TTLL1: variants seen among roughly 807,000 people sequenced by gnomAD.
The protein encoded by TTLL1 is TTL family tubulin polyglutamylase complex subunit L1, also known as polyglutamylase complex subunit TTLL1.
TTLL1 carries 33 observed loss-of-function variants against 47.8 expected under a neutral mutation model. The observed-to-expected ratio is 0.69, with a 90% CI of 0.52 to 0.92. TTLL1 has a LOEUF of 0.92. Ranked by LOEUF, TTLL1 falls within the 40% of genes least tolerant of loss-of-function variation. The pLI, the probability that TTLL1 is intolerant of heterozygous loss-of-function variation, is 0.00. For missense variants in TTLL1, 488 were observed against 547.5 expected (o/e 0.89, Z 1.08); for synonymous variants, 225 against 214.1 (o/e 1.05, Z -0.45).
intron 10 of TTLL1, among the ~76,000 whole-genome samples, chr22:43,045,008 G>A (rs868277785): frequency 2.1e-4 from 32 of 151,912 alleles, no homozygotes; most frequent in African/African-American, 6.0e-4. Context: ...CATTACAAGC[G>A]CGCACTACCA....
At chr22:43,042,905 A>G (rs1235734243) in intron 10 of TTLL1, among the ~76,000 whole-genome samples, 1 of 151,782 alleles carries the variant, frequency 6.6e-6, no homozygotes, top group African/African-American at 2.4e-5. Context: ...TCTTCAACTA[A>G]AAGCAGTGAG....
chr22:43,053,459 G>C (rs1337869233), intron 8 of TTLL1, among the ~76,000 whole-genome samples: 2 of 152,196 alleles, frequency 1.3e-5, no homozygotes, highest in African/African-American at 4.8e-5. Context: ...GAAAATGTCT[G>C]TAAGACAGGA....
At chr22:43,049,601 C>CAAAAA (rs34707208) in intron 9 of TTLL1, among the ~76,000 whole-genome samples, 1 of 105,452 alleles carries the variant, frequency 9.5e-6, no homozygotes, top group African/African-American at 3.6e-5. Context: ...CCCATCTCCA[C>CAAAAA]AAAAAAAAAA....
intron 8 of TTLL1, among the ~76,000 whole-genome samples, chr22:43,054,055 T>C (rs1302416481): frequency 6.6e-6 from 1 of 152,190 alleles, no homozygotes; most frequent in Non-Finnish European, 1.5e-5. Flanking sequence ...GTGACACTGG[T>C]GTCAGGGTCC....
At chr22:43,057,625 G>A in intron 8 of TTLL1, among the ~76,000 whole-genome samples, 1 of 152,072 alleles carries the variant, frequency 6.6e-6, no homozygotes, top group Non-Finnish European at 1.5e-5. Flanking sequence ...CCCACTCTCT[G>A]GGCCCACATC....
At chr22:43,066,850 C>G (rs1569433702) in intron 5 of TTLL1, among the ~76,000 whole-genome samples, 2 of 151,250 alleles carry the variant, frequency 1.3e-5, no homozygotes, top group African/African-American at 4.9e-5. Flanking sequence ...ATTAGCCAGG[C>G]ATGGTGGGTG....
In TTLL1 at chr22:43,070,276, G is replaced by A; in HGVS notation, c.114-432C>T. Reference sequence around the variant, plus strand: ...ACAAAATCACAGGGGTTATTTAAGGGCCCTGAGTCAGTATTTGATATTCTT... The same window carrying A: ...ACAAAATCACAGGGGTTATTTAAGGACCCTGAGTCAGTATTTGATATTCTT... On this transcript the variant is annotated intron_variant, in intron 3 of 10. Coordinates refer to ENST00000266254, the MANE Select transcript of TTLL1 (RefSeq NM_012263.5). The A allele has an allele frequency of 1.8e-6, 2 of 1,134,864 alleles. 1 individual carries two copies. Among genetic ancestry groups the A allele is most frequent in the Admixed American group, 4.7e-5 (2 of 42,934 alleles). The allele number at this position is 1,134,864 out of a possible 1,614,324, so 70.3% of individuals were successfully genotyped here.
intron 3 of TTLL1, among the ~76,000 whole-genome samples, chr22:43,073,364 T>TTTA (rs1555964073): frequency 2.2e-5 from 3 of 133,354 alleles, no homozygotes; most frequent in African/African-American, 1.0e-4. Flanking sequence ...TATTTATTTA[T>TTTA]TTTATTTTTT....
At chr22:43,057,457 CTT>C (rs1338679968) in intron 8 of TTLL1, among the ~76,000 whole-genome samples, 8 of 152,108 alleles carry the variant, frequency 5.3e-5, no homozygotes, top group African/African-American at 1.9e-4. Flanking sequence ...CTCACAGCCT[CTT>C]GACACCAATG....
At chr22:43,087,153 G>A (rs1055405874) in intron 1 of TTLL1, among the ~76,000 whole-genome samples, 5 of 152,138 alleles carry the variant, frequency 3.3e-5, no homozygotes, top group African/African-American at 1.2e-4. Context: ...CAATCCTCCT[G>A]ACTCCACCAC....
At chr22:43,064,393 G>A in intron 5 of TTLL1, 69 bp from the exon 6 acceptor site, 5 of 1,525,366 alleles carry the variant, frequency 3.3e-6, no homozygotes, top group Non-Finnish European at 4.4e-6. Context: ...ATCCAAGAAA[G>A]GAATAACTGA....
chr22:43,073,603 G>A (rs936573338), intron 3 of TTLL1, among the ~76,000 whole-genome samples: 8 of 151,750 alleles, frequency 5.3e-5, no homozygotes, highest in Non-Finnish European at 7.4e-5. Context: ...TGATGCACCC[G>A]CCTTGGCCTC....
intron 10 of TTLL1, 26 bp from the exon 11 acceptor site, chr22:43,039,931 C>A (rs950528246): frequency 6.2e-7 from 1 of 1,607,674 alleles, no homozygotes; most frequent in African/African-American, 1.3e-5. Flanking sequence ...GCCAGGATCA[C>A]GGCAGGCTCT....
Position 43,068,522 on chromosome 22 carries a change from G to A in TTLL1, c.391C>T (p.Pro131Ser), listed in dbSNP as rs1927899223. ...GGCTTCATGATCCAGGTGCTGGACG[G>A]GCTCTTCCGGAACTCCTCTACAAAC... is the stretch of plus-strand genomic sequence containing the variant. Reference protein sequence around the residue: ...NLFVEEFRKSPSSTWIMKPCG... With the variant: ...NLFVEEFRKSSSSTWIMKPCG... The change falls in exon 5 of 11, where the codon CCG (proline) becomes TCG (serine). Residue 131 changes from proline to serine, a missense_variant. Pro to Ser is a moderately conservative substitution (Grantham distance 74, BLOSUM62 -1). Coordinates refer to ENST00000266254, the MANE Select transcript of TTLL1 (RefSeq NM_012263.5). 6.4e-7 allele frequency: 1 copy of A among 1,570,552 alleles called. No individual in the cohort carries two copies. Among genetic ancestry groups the A allele is most frequent in the Non-Finnish European group, 8.7e-7 (1 of 1,148,610 alleles).
intron 2 of TTLL1, among the ~76,000 whole-genome samples, chr22:43,078,529 A>G (rs190696965): frequency 1.3e-5 from 2 of 152,024 alleles, no homozygotes; most frequent in Admixed American, 6.6e-5. Flanking sequence ...AAGAGAAGAG[A>G]AGAGAAGAAA....
intron 3 of TTLL1, among the ~76,000 whole-genome samples, chr22:43,074,360 G>T (rs1361040375): frequency 6.7e-6 from 1 of 150,092 alleles, no homozygotes; most frequent in South Asian, 2.1e-4. Context: ...CCAGGAGGTG[G>T]AGGTTGCAAT....
At chr22:43,045,037 A>G (rs1444712256) in intron 10 of TTLL1, among the ~76,000 whole-genome samples, 2 of 151,960 alleles carry the variant, frequency 1.3e-5, no homozygotes, top group Non-Finnish European at 2.9e-5. Flanking sequence ...TAATTTTTGT[A>G]TTTTTAGTAG....
At chr22:43,077,049 G>C (rs1029426094) in intron 2 of TTLL1, among the ~76,000 whole-genome samples, 10 of 151,724 alleles carry the variant, frequency 6.6e-5, no homozygotes, top group Non-Finnish European at 1.3e-4. Flanking sequence ...TGCAGTGAGC[G>C]GAGATCGCAC....
At chr22:43,045,472 T>TG (rs1926045964) in intron 10 of TTLL1, among the ~76,000 whole-genome samples, 1 of 112,948 alleles carries the variant, frequency 8.9e-6, no homozygotes, top group Non-Finnish European at 1.7e-5. Flanking sequence ...TTATACCCAT[T>TG]TTTTTTTTTT....
Sources: allele counts gnomAD v4.1 joint callset (sites outside exome capture counted in the v4.1 genomes callset), GRCh38; gene constraint gnomAD v4.1.1; transcripts MANE v1.5; gene names NCBI Gene and HGNC (gene_info 2026-07-23, HGNC 2026-07-21).